Variants in KRABD3 observed in about 807,000 individuals in gnomAD.
KRABD3 encodes the protein KRAB domain-containing protein 3.
At chr7:149,723,047 T>A in the KRABD3 span, 1 of 1,122,826 alleles carries the variant, frequency 8.9e-7, no homozygotes, top group Non-Finnish European at 1.2e-6. Context: ...CCCTTAGGGA[T>A]CGTTACCAGC....
chr7:149,718,346 CAAAT>C, the KRABD3 span, among the ~76,000 whole-genome samples: 1 of 152,128 alleles, frequency 6.6e-6, no homozygotes, highest in Non-Finnish European at 1.5e-5. Flanking sequence ...TTTGTTCTCA[CAAAT>C]AAACAGTTTA....
At chr7:149,728,454 AG>A in the KRABD3 span, 627 of 1,533,278 alleles carry the variant, frequency 4.1e-4, 4 homozygotes, top group African/African-American at 7.4e-3. Flanking sequence ...AGCAGAAGAC[AG>A]GGGGCTTCTG....
At chr7:149,724,796 C>A in the KRABD3 span, 1 of 1,598,286 alleles carries the variant, frequency 6.3e-7, no homozygotes, top group Non-Finnish European at 8.5e-7. Context: ...AGTCCCTCAG[C>A]CACTGGAGAC....
At chr7:149,719,492 A>C in the KRABD3 span, 43 of 1,512,442 alleles carry the variant, frequency 2.8e-5, no homozygotes, top group Non-Finnish European at 3.6e-5. The surrounding 1 kb of genome is among the most constrained non-coding windows in gnomAD (Gnocchi z 5.6). Flanking sequence ...AGGGACAGCT[A>C]GGCTGTCCCC....
chr7:149,733,547 C>T, the KRABD3 span: 3 of 1,599,534 alleles, frequency 1.9e-6, no homozygotes, highest in Non-Finnish European at 2.6e-6. Flanking sequence ...TCGCTGGGCT[C>T]ATGGCCCTGG....
the KRABD3 span, chr7:149,725,620 T>C: frequency 9.8e-7 from 1 of 1,022,292 alleles, no homozygotes; most frequent in Non-Finnish European, 1.4e-6. Context: ...CTGCCTTTCA[T>C]ACTCACTCCC....
chr7:149,721,069 G>A, the KRABD3 span: 1 of 1,521,376 alleles, frequency 6.6e-7, no homozygotes, highest in Non-Finnish European at 8.9e-7. Context: ...GCACTGCACT[G>A]CATGTGGGCT....
chr7:149,717,316 G>A, the KRABD3 span, among the ~76,000 whole-genome samples: 1 of 152,188 alleles, frequency 6.6e-6, no homozygotes. Context: ...CATCATTTAG[G>A]GAATGGTGGG....
the KRABD3 span, chr7:149,729,548 C>A: frequency 4.7e-5 from 46 of 985,352 alleles, no homozygotes; most frequent in Non-Finnish European, 5.4e-5. Context: ...TAAAGTGTCA[C>A]AAAGTGCTGA....
At chr7:149,718,729 G>C in the KRABD3 span, among the ~76,000 whole-genome samples, 1 of 152,078 alleles carries the variant, frequency 6.6e-6, no homozygotes, top group Admixed American at 6.5e-5. Context: ...TGGCCAGCCT[G>C]GTCTCGAACT....
chr7:149,726,677 A>G, the KRABD3 span, among the ~76,000 whole-genome samples: 7 of 151,972 alleles, frequency 4.6e-5, no homozygotes, highest in Admixed American at 6.6e-5. Flanking sequence ...ACCACAGGCA[A>G]TCTGCCCGCC....
the KRABD3 span, among the ~76,000 whole-genome samples, chr7:149,726,236 G>A: frequency 6.6e-6 from 1 of 152,154 alleles, no homozygotes; most frequent in Non-Finnish European, 1.5e-5. Context: ...GGAGCCTAGG[G>A]TGGAGAGGGG....
chr7:149,733,832 C>T, the KRABD3 span: 24 of 1,603,076 alleles, frequency 1.5e-5, no homozygotes, highest in African/African-American at 2.3e-4. Context: ...CCACCAGAGC[C>T]CCCTTCCCCC....
chr7:149,715,634 T>A, the KRABD3 span, among the ~76,000 whole-genome samples: 2 of 152,156 alleles, frequency 1.3e-5, no homozygotes, highest in Non-Finnish European at 2.9e-5. Context: ...TGCTCCACGT[T>A]CTTCTGGATG....
chr7:149,717,919 C>T, the KRABD3 span, among the ~76,000 whole-genome samples: 1 of 152,192 alleles, frequency 6.6e-6, no homozygotes, highest in Non-Finnish European at 1.5e-5. Context: ...CTGCCTCAGC[C>T]TCCCAAGTAG....
chr7:149,733,853 G>T, the KRABD3 span: 1 of 1,599,314 alleles, frequency 6.3e-7, no homozygotes, highest in East Asian at 2.3e-5. Context: ...TTTAGTGCCT[G>T]CTGCCTTACC....
the KRABD3 span, among the ~76,000 whole-genome samples, chr7:149,732,552 T>G: frequency 1.3e-5 from 2 of 151,926 alleles, no homozygotes; most frequent in East Asian, 3.9e-4. This position sits in a 1 kb window ranked among gnomAD's most constrained non-coding sequence, Gnocchi z 4.0. Context: ...GCCTTTCCTG[T>G]GGTTTGCCCA....
At chr7:149,721,343 A>G in the KRABD3 span, 3 of 1,552,846 alleles carry the variant, frequency 1.9e-6, no homozygotes, top group Non-Finnish European at 1.7e-6. Context: ...TGTTAGGGGC[A>G]TCTTACCAGT....
At chr7:149,723,664 CCT>C in the KRABD3 span, 149 of 1,506,882 alleles carry the variant, frequency 9.9e-5, no homozygotes, top group South Asian at 1.6e-4. Context: ...TAACTTGTCC[CCT>C]GTTTGTTGTT....
Sources: allele counts gnomAD v4.1 joint callset (sites outside exome capture counted in the v4.1 genomes callset), GRCh38; gene constraint gnomAD v4.1.1; non-coding constraint Gnocchi (gnomAD v3.1); transcripts MANE v1.5; gene names NCBI Gene and HGNC (gene_info 2026-07-23, HGNC 2026-07-21).